The following FSTL5 variants were observed in gnomAD, a reference collection of about 807,000 sequenced individuals.
FSTL5 encodes follistatin-related protein 5.
In FSTL5, 62 loss-of-function variants were observed where a neutral mutation model predicts 89.1. That is an observed-to-expected ratio of 0.70 (90% CI 0.57 to 0.86). The LOEUF (loss-of-function observed/expected upper bound fraction) is 0.86. Ranked by LOEUF, FSTL5 falls within the 40% of genes least tolerant of loss-of-function variation. The probability of loss-of-function intolerance (pLI) is 0.00; values close to 1 mark genes in which losing one functional copy is unlikely to be tolerated. For missense variants in FSTL5, 1,057 were observed against 1,001.6 expected (o/e 1.06, Z -0.75); for synonymous variants, 383 against 346.2 (o/e 1.11, Z -1.18).
At chr4:161,608,115 C>T (rs1734515148) in intron 7 of FSTL5, among the ~76,000 whole-genome samples, 1 of 152,076 alleles carries the variant, frequency 6.6e-6, no homozygotes. Context: ...GGAATTAAAA[C>T]ATCTGCTCAC....
chr4:161,589,824 G>A (rs1317359777), intron 7 of FSTL5, among the ~76,000 whole-genome samples: 2 of 151,978 alleles, frequency 1.3e-5, no homozygotes, highest in African/African-American at 4.8e-5. Flanking sequence ...AGGACTGTGT[G>A]AATGCTCAGC....
chr4:161,758,062 C>T (rs1035217287), intron 6 of FSTL5, among the ~76,000 whole-genome samples: 3 of 152,006 alleles, frequency 2.0e-5, no homozygotes, highest in South Asian at 2.1e-4. Flanking sequence ...ATCCAAAGAG[C>T]GTATTTTTAT....
At chr4:161,750,717 T>C (rs1451292587) in intron 6 of FSTL5, among the ~76,000 whole-genome samples, 1 of 152,166 alleles carries the variant, frequency 6.6e-6, no homozygotes, top group Non-Finnish European at 1.5e-5. Flanking sequence ...AAAAAATTTC[T>C]GTATGGTCTC....
intron 2 of FSTL5, among the ~76,000 whole-genome samples, chr4:162,098,043 T>C (rs779938890): frequency 1.6e-4 from 24 of 151,896 alleles, no homozygotes; most frequent in Non-Finnish European, 2.9e-4. Context: ...CCAATCTGGT[T>C]TCCAACATAG....
In FSTL5 at chr4:161,482,193, GT is replaced by G. The variant is rs1456675627; in HGVS notation, c.1459-1025del. On this transcript the variant is annotated intron_variant, in intron 12 of 15. Transcript: ENST00000306100. The stretch of plus-strand genomic sequence containing the variant: ...TAGCTGGGCGTGGTGGTGGGCACCT[GT>G]AGTCCCAGTTACTTGGGAGGCCGAG... Among the ~76,000 whole-genome samples the G allele has an allele frequency of 2.0e-5, 3 of 152,246 alleles. No homozygotes were observed. The East Asian group carries it at 5.8e-4, about 30-fold the overall frequency.
chr4:161,655,351 A>C (rs779583433), intron 7 of FSTL5, among the ~76,000 whole-genome samples: 21 of 152,050 alleles, frequency 1.4e-4, no homozygotes, highest in Non-Finnish European at 2.5e-4. Flanking sequence ...CAGTAATAGC[A>C]TAGATGACTT....
chr4:161,821,168 G>A (rs1730481841), intron 4 of FSTL5, among the ~76,000 whole-genome samples: 1 of 151,988 alleles, frequency 6.6e-6, no homozygotes, highest in Non-Finnish European at 1.5e-5. Context: ...CTCCCGAGTA[G>A]CTGGGACTGC....
chr4:161,968,533 A>T (rs1224163083), intron 3 of FSTL5, among the ~76,000 whole-genome samples: 1 of 152,114 alleles, frequency 6.6e-6, no homozygotes, highest in Non-Finnish European at 1.5e-5. Context: ...GAAAAATAGG[A>T]CAGAACTCCA....
chr4:161,806,538 T>G (rs112795043), intron 4 of FSTL5, among the ~76,000 whole-genome samples: 1 of 152,106 alleles, frequency 6.6e-6, no homozygotes, highest in Non-Finnish European at 1.5e-5. Context: ...CTGTCAGATA[T>G]AGCAATAAGC....
At chr4:161,562,220 A>G (rs968908068) in intron 8 of FSTL5, among the ~76,000 whole-genome samples, 1 of 151,972 alleles carries the variant, frequency 6.6e-6, no homozygotes, top group African/African-American at 2.4e-5. Context: ...TCACACCACT[A>G]TCATTACTGT....
intron 5 of FSTL5, 121 bp from the exon 6 acceptor site, chr4:161,759,652 C>T: frequency 1.8e-6 from 1 of 546,636 alleles, no homozygotes; most frequent in Non-Finnish European, 2.8e-6. Flanking sequence ...GCAAAAAACT[C>T]AATTTTGGAA....
intron 2 of FSTL5, among the ~76,000 whole-genome samples, chr4:162,068,934 T>C (rs1158487739): frequency 1.3e-5 from 2 of 151,884 alleles, no homozygotes; most frequent in African/African-American, 4.8e-5. Flanking sequence ...CCAACAAGCA[T>C]TTGAAAAAAA....
intron 8 of FSTL5, among the ~76,000 whole-genome samples, chr4:161,571,308 A>G (rs1411200015): frequency 6.6e-6 from 1 of 152,146 alleles, no homozygotes; most frequent in Non-Finnish European, 1.5e-5. Context: ...GCAGACAGAG[A>G]TCATATTTTC....
intron 6 of FSTL5, among the ~76,000 whole-genome samples, chr4:161,700,902 G>A (rs930916776): frequency 2.0e-5 from 3 of 152,074 alleles, no homozygotes; most frequent in African/African-American, 7.2e-5. Context: ...TTACATATTT[G>A]CATAACAATA....
At chr4:161,596,639 G>C (rs1283129902) in intron 7 of FSTL5, among the ~76,000 whole-genome samples, 1 of 152,054 alleles carries the variant, frequency 6.6e-6, no homozygotes, top group Admixed American at 6.6e-5. Context: ...AATAATCACG[G>C]AAAAGGGGAA....
Position 161,959,319 on chromosome 4 carries a change from T to C in FSTL5, c.161-38667A>G, listed in dbSNP as rs375687035. Among the ~76,000 whole-genome samples the C allele has an allele frequency of 2.0e-5, 3 of 152,118 alleles. No homozygotes were observed. In the East Asian group the frequency reaches 5.8e-4, roughly 29 times the overall value. ...ATTGATTTAAGATACATATTTCCCA[T>C]GTCTTAACATAGGTATAACATGCTA... On this transcript the variant is annotated intron_variant, in intron 3 of 15. Transcript: ENST00000306100.
At chr4:162,115,222 A>G (rs1301294776) in intron 1 of FSTL5, among the ~76,000 whole-genome samples, 1 of 152,216 alleles carries the variant, frequency 6.6e-6, no homozygotes, top group Non-Finnish European at 1.5e-5. Context: ...AGAAAAACAA[A>G]TGAATCCAAT....
chr4:161,636,640 G>A (rs1351861803), intron 7 of FSTL5, among the ~76,000 whole-genome samples: 1 of 142,198 alleles, frequency 7.0e-6, no homozygotes, highest in Non-Finnish European at 1.5e-5. Flanking sequence ...AGTCCCCAGA[G>A]TGTGATATTC....
intron 2 of FSTL5, among the ~76,000 whole-genome samples, chr4:162,042,792 T>A (rs944431181): frequency 1.3e-5 from 2 of 151,842 alleles, no homozygotes; most frequent in Non-Finnish European, 2.9e-5. Context: ...TCATATCCTT[T>A]GTAAGGACAT....
Sources: gnomAD v4.1 joint callset for allele counts (sites outside exome capture counted in the v4.1 genomes callset) on GRCh38, gnomAD v4.1.1 for gene constraint, MANE v1.5 for transcripts, NCBI Gene and HGNC (gene_info 2026-07-23, HGNC 2026-07-21) for gene names.